Variants in DAB1 observed in about 807,000 individuals in gnomAD.
DAB1 encodes DAB adaptor protein 1, also known as disabled homolog 1.
A neutral mutation model predicts 64.6 loss-of-function variants in DAB1; 15 were observed. The ratio of observed to expected loss-of-function variants is 0.23; its 90% CI spans 0.16 to 0.36. The LOEUF is 0.36. Among genes scored for constraint, DAB1 ranks in the 10% least tolerant of loss-of-function variants. The pLI is 1.00. For synonymous variants in DAB1, 235 were observed against 251.9 expected (o/e 0.93, Z 0.64); for missense variants, 596 against 706.7 (o/e 0.84, Z 1.78).
At chr1:57,075,932 T>C (rs1343444911) in intron 4 of DAB1, among the ~76,000 whole-genome samples, 3 of 152,088 alleles carry the variant, frequency 2.0e-5, no homozygotes, top group African/African-American at 7.2e-5. Context: ...AGAAGAGAAC[T>C]GGGTAAGGGG....
chr1:57,802,636 T>C (rs1651184276), intron 6 of DAB1, among the ~76,000 whole-genome samples: 1 of 152,148 alleles, frequency 6.6e-6, no homozygotes, highest in Non-Finnish European at 1.5e-5. Context: ...CCCCTTGATG[T>C]TCTCATGAGA....
chr1:57,029,035 A>G (rs896516504), intron 9 of DAB1, among the ~76,000 whole-genome samples: 1 of 152,234 alleles, frequency 6.6e-6, no homozygotes, highest in Non-Finnish European at 1.5e-5. Flanking sequence ...AGGCCATGTC[A>G]GAGACCTTCA....
At chr1:58,095,106 C>G (rs1052046440) in intron 5 of DAB1, among the ~76,000 whole-genome samples, 3 of 152,182 alleles carry the variant, frequency 2.0e-5, no homozygotes, top group African/African-American at 7.2e-5. Context: ...CTGACCCCGG[C>G]TCTCGACTGT....
intron 6 of DAB1, among the ~76,000 whole-genome samples, chr1:57,782,813 T>C (rs1208053420): frequency 6.6e-6 from 1 of 152,168 alleles, no homozygotes; most frequent in African/African-American, 2.4e-5. Flanking sequence ...ATTGGGTGCA[T>C]GTAACTAGAA....
At chr1:57,696,785 C>T (rs188482833) in intron 6 of DAB1, among the ~76,000 whole-genome samples, 32 of 152,284 alleles carry the variant, frequency 2.1e-4, no homozygotes, top group Non-Finnish European at 4.6e-4. Context: ...TTCATGCCAC[C>T]TATCTGACAT....
intron 3 of DAB1, among the ~76,000 whole-genome samples, chr1:58,419,132 C>G (rs1261290319): frequency 6.6e-6 from 1 of 152,178 alleles, no homozygotes; most frequent in Non-Finnish European, 1.5e-5. Flanking sequence ...ACCAGCTCAG[C>G]TTCCAGCCCC....
intron 7 of DAB1, among the ~76,000 whole-genome samples, chr1:57,552,639 G>C (rs896810787): frequency 6.6e-6 from 1 of 152,228 alleles, no homozygotes; most frequent in African/African-American, 2.4e-5. Context: ...TTTTATGTGC[G>C]GGACACTTCA....
At chr1:57,050,878 G>T (rs1040750626) in intron 9 of DAB1, among the ~76,000 whole-genome samples, 1 of 152,152 alleles carries the variant, frequency 6.6e-6, no homozygotes, top group African/African-American at 2.4e-5. Context: ...TGAATAAATA[G>T]AAATTGTAAG....
intron 2 of DAB1, among the ~76,000 whole-genome samples, chr1:57,260,776 T>G (rs895831253): frequency 6.6e-6 from 1 of 152,254 alleles, no homozygotes; most frequent in South Asian, 2.1e-4. Flanking sequence ...TCCATATACC[T>G]TCCCCCATCA....
intron 9 of DAB1, among the ~76,000 whole-genome samples, chr1:57,045,209 G>C (rs932436850): frequency 3.9e-5 from 6 of 152,186 alleles, no homozygotes; most frequent in African/African-American, 1.4e-4. Context: ...GGGCAGCCAT[G>C]GTGGGCAGTT....
chr1:57,442,880 TG>T (rs1686006928), intron 7 of DAB1, among the ~76,000 whole-genome samples: 1 of 152,228 alleles, frequency 6.6e-6, no homozygotes, highest in African/African-American at 2.4e-5. Flanking sequence ...GTCAAATTTT[TG>T]TAGTAGATAC....
chr1:57,372,135 G>A (rs1010279878), intron 1 of DAB1, among the ~76,000 whole-genome samples: 10 of 152,110 alleles, frequency 6.6e-5, no homozygotes, highest in African/African-American at 1.7e-4. Context: ...GGATTTGCAC[G>A]GAAATAATAA....
At chr1:57,190,942 A>G (rs977817030) in intron 2 of DAB1, among the ~76,000 whole-genome samples, 33 of 152,226 alleles carry the variant, frequency 2.2e-4, no homozygotes, top group Non-Finnish European at 1.3e-4. Flanking sequence ...AAGTCCATAG[A>G]TAAGTACTTA....
At chr1:57,908,617 AG>A (rs34139643) in intron 5 of DAB1, among the ~76,000 whole-genome samples, 64,948 of 151,804 alleles carry the variant, frequency 0.43, 14,912 homozygotes, top group African/African-American at 0.59. Flanking sequence ...TCCTCAGGAA[AG>A]GCCCCTGTCA....
At chr1:57,854,111 G>T (rs1269886101) in intron 1 of DAB1, among the ~76,000 whole-genome samples, 2 of 152,108 alleles carry the variant, frequency 1.3e-5, no homozygotes, top group African/African-American at 2.4e-5. Context: ...AAATTTAAAT[G>T]ATACTGGAAC....
intron 6 of DAB1, among the ~76,000 whole-genome samples, chr1:57,712,563 T>A (rs1314106288): frequency 6.6e-6 from 1 of 152,226 alleles, no homozygotes. Context: ...TTCAAGGTTA[T>A]CTTAAAATGT....
chr1:57,316,031 C>A (rs994255740), intron 1 of DAB1, among the ~76,000 whole-genome samples: 1 of 152,146 alleles, frequency 6.6e-6, no homozygotes, highest in Admixed American at 6.6e-5. Flanking sequence ...ATTTAAAGAT[C>A]GGAAAACTGT....
chr1:56,999,170 C>T (rs1327917288), intron 14 of DAB1, among the ~76,000 whole-genome samples: 1 of 152,204 alleles, frequency 6.6e-6, no homozygotes, highest in African/African-American at 2.4e-5. Context: ...CTGGGAGCCC[C>T]TACCATGTGT....
intron 7 of DAB1, among the ~76,000 whole-genome samples, chr1:57,523,233 A>C (rs955971783): frequency 6.6e-6 from 1 of 152,178 alleles, no homozygotes; most frequent in Non-Finnish European, 1.5e-5. Context: ...CCTCTTCTCA[A>C]GCGACAGATT....
Sources: allele counts gnomAD v4.1 joint callset (sites outside exome capture counted in the v4.1 genomes callset), GRCh38; gene constraint gnomAD v4.1.1; transcripts MANE v1.5; gene names NCBI Gene and HGNC (gene_info 2026-07-23, HGNC 2026-07-21).